Variants in EML5 observed in about 807,000 individuals in gnomAD.
EML5 encodes the protein EMAP like 5, also known as echinoderm microtubule-associated protein-like 5.
EML5 carries 120 observed loss-of-function variants against 250.0 expected under a neutral mutation model. The ratio of observed to expected loss-of-function variants is 0.48; its 90% CI spans 0.41 to 0.56. The LOEUF is 0.56. Ranked by LOEUF, EML5 falls within the 20% of genes least tolerant of loss-of-function variation. The pLI is 0.00. For synonymous variants in EML5, 771 were observed against 806.5 expected (o/e 0.96, Z 0.75); for missense variants, 2,006 against 2,437.6 (o/e 0.82, Z 3.73).
intron 25 of EML5, among the ~76,000 whole-genome samples, chr14:88,658,759 T>C (rs996048601): frequency 6.6e-6 from 1 of 152,170 alleles, no homozygotes; most frequent in East Asian, 1.9e-4. Context: ...TATTTACTTA[T>C]AGTAGTGAAA....
At chr14:88,688,181 AAG>A (rs2092879682) in intron 18 of EML5, 88 bp downstream of exon 18, 1 of 1,303,178 alleles carries the variant, frequency 7.7e-7, no homozygotes, top group African/African-American at 1.5e-5. Context: ...TAGTCCAGGC[AAG>A]TAGAAAGGCA....
At chr14:88,664,062 G>C (rs927325273) in intron 23 of EML5, among the ~76,000 whole-genome samples, 1 of 151,702 alleles carries the variant, frequency 6.6e-6, no homozygotes, top group South Asian at 2.1e-4. Context: ...AGGACTGCTT[G>C]AGTCCAGGAG....
rs1249403290 is a variant in EML5 at position 88,792,656 on chromosome 14, GC to G, written c.-154del. The G allele has an allele frequency of 1.7e-6, 2 of 1,144,934 alleles. No homozygotes were observed. The highest frequency in any genetic ancestry group is 1.1e-6 in the Non-Finnish European group (1 of 933,640). The allele number at this position is 1,144,934 out of a possible 1,614,324, so 70.9% of individuals were successfully genotyped here. ...CCGTCAGGTGCATCTCGTTTCGGGG[GC>G]CGCCGCCGCCTCAGCCCACAGGCGG... On this transcript the variant is annotated 5_prime_UTR_variant, in exon 1 of 44. Transcript: ENST00000554922. This position sits in a 1 kb window ranked among gnomAD's most constrained non-coding sequence, Gnocchi z 6.9.
chr14:88,792,582 T>G lies in EML5; in HGVS notation c.-79A>C. On this transcript the variant is annotated 5_prime_UTR_variant, in exon 1 of 44. Coordinates refer to ENST00000554922, the MANE Select transcript of EML5 (RefSeq NM_183387.3). This position sits in a 1 kb window ranked among gnomAD's most constrained non-coding sequence, Gnocchi z 6.9. ...GGCGGCGGCCCGGCAACGAAAGCCC[T>G]CCCGCTGGCTGCCGGGACTTCCCGC... is the stretch of plus-strand genomic sequence containing the variant. 1 of 1,188,840 alleles carries G rather than the reference T, an allele frequency of 8.4e-7. No homozygotes were observed. The highest frequency in any genetic ancestry group is 1.6e-5 in the African/African-American group (1 of 62,058). 73.6% of individuals were successfully genotyped at this position (1,188,840 alleles called of 1,614,324 possible).
chr14:88,732,568 T>C (rs541773230), intron 7 of EML5, among the ~76,000 whole-genome samples: 44 of 152,320 alleles, frequency 2.9e-4, no homozygotes, highest in South Asian at 8.3e-4. Context: ...TGATTCCATA[T>C]GAACTTTAGT....
Position 88,704,866 on chromosome 14 carries a change from A to T in EML5, c.2045T>A (p.Val682Asp). Residue 682 changes from valine (V) to aspartate (D), a missense_variant, in exon 13 of 44, where the codon GTT becomes GAT. By Grantham distance (152) the Val-to-Asp change is radical (BLOSUM62 -3). Around this residue, in one of 7 missense-constraint regions of EML5, gnomAD observed 1,375 missense variants for 1,590.3 expected, o/e 0.86. Coordinates refer to ENST00000554922, the MANE Select transcript of EML5 (RefSeq NM_183387.3). ...AAAGATAGTTGTTTTATACCCGTGAACAAAGTGTAATCGAATACTATTTCC... is the reference window on the plus strand; with the variant it reads ...AAAGATAGTTGTTTTATACCCGTGATCAAAGTGTAATCGAATACTATTTCC... ...APGNSIRLHF[V>D]HGYRGYDCRS... 6.2e-7 allele frequency: 1 copy of T among 1,610,298 alleles called. No homozygotes were observed.
rs553487328 is a variant in EML5 at position 88,654,752 on chromosome 14, T to TTC, written c.4004+2622_4004+2623dup. Reference sequence around the variant, plus strand: ...GATGTGGTGCTGAGAAGAATGTATATTCTGTTGATTTGGGGTGGACAGTTC... The same window carrying TTC: ...GATGTGGTGCTGAGAAGAATGTATATTCTCTGTTGATTTGGGGTGGACAGTTC... On this transcript the variant is annotated intron_variant, in intron 27 of 43. Transcript: ENST00000554922. 1.3e-3 allele frequency among the ~76,000 whole-genome samples: 199 copies of TTC among 152,302 alleles called. 1 individual carries two copies. Among genetic ancestry groups the TTC allele is most frequent in the African/African-American group, 4.6e-3 (193 of 41,572 alleles).
At chr14:88,618,867 T>C (rs2088269489) in intron 39 of EML5, 55 bp from the exon 40 acceptor site, 1 of 1,479,472 alleles carries the variant, frequency 6.8e-7, no homozygotes, top group African/African-American at 1.4e-5. Context: ...TTATAAATAC[T>C]TAAGATCAGT....
chr14:88,739,853 T>C (rs1236789589), intron 5 of EML5, among the ~76,000 whole-genome samples: 1 of 152,172 alleles, frequency 6.6e-6, no homozygotes, highest in Non-Finnish European at 1.5e-5. Flanking sequence ...AATAGAAATG[T>C]AATGCACTGA....
intron 1 of EML5, among the ~76,000 whole-genome samples, chr14:88,773,053 A>G (rs2094410334): frequency 6.6e-6 from 1 of 152,190 alleles, no homozygotes; most frequent in African/African-American, 2.4e-5. Flanking sequence ...ACTCCTTCGG[A>G]GGTATCTGCA....
At chr14:88,684,096 A>G (rs187196661) in intron 20 of EML5, among the ~76,000 whole-genome samples, 27 of 151,714 alleles carry the variant, frequency 1.8e-4, no homozygotes, top group African/African-American at 6.3e-4. Context: ...GAACTAATAA[A>G]TGAGGACGGC....
intron 20 of EML5, among the ~76,000 whole-genome samples, chr14:88,684,647 T>C (rs2141204333): frequency 6.6e-6 from 1 of 152,148 alleles, no homozygotes; most frequent in East Asian, 1.9e-4. Context: ...CAGACTGGGT[T>C]AAATTAATTA....
At chr14:88,667,758 T>C (rs565951531) in intron 21 of EML5, among the ~76,000 whole-genome samples, 42 of 152,302 alleles carry the variant, frequency 2.8e-4, no homozygotes, top group Middle Eastern at 6.8e-3. Context: ...TTCACCAGAG[T>C]GGCAGCCCCA....
At chr14:88,672,122 G>A (rs955734498) in intron 21 of EML5, among the ~76,000 whole-genome samples, 18 of 151,930 alleles carry the variant, frequency 1.2e-4, no homozygotes, top group South Asian at 2.1e-4. Context: ...CACATAGCAC[G>A]TACCCTAAAA....
intron 21 of EML5, among the ~76,000 whole-genome samples, chr14:88,674,122 A>T (rs1370362749): frequency 1.3e-5 from 2 of 152,148 alleles, no homozygotes; most frequent in African/African-American, 4.8e-5. Flanking sequence ...TACAAAAATT[A>T]GCCAGGCATG....
At position 88,736,351 on chromosome 14, in the gene EML5, A is replaced by C; in HGVS notation, c.1049+13T>G. 1.2e-6 allele frequency: 2 copies of C among 1,613,816 alleles called. No individual in the cohort carries two copies. The highest frequency in any genetic ancestry group is 2.2e-5 in the South Asian group (2 of 91,080). Reference sequence around the variant, plus strand: ...ACATTCCAGCCTATGGAATTAGTTTATAATTTGCTTACCTGACCGAACGAT... The same window carrying C: ...ACATTCCAGCCTATGGAATTAGTTTCTAATTTGCTTACCTGACCGAACGAT... On this transcript the variant is annotated intron_variant, in intron 7 of 43. Transcript: ENST00000554922.
At chr14:88,709,293 A>C (rs1172293391) in intron 10 of EML5, among the ~76,000 whole-genome samples, 1 of 152,158 alleles carries the variant, frequency 6.6e-6, no homozygotes, top group Admixed American at 6.5e-5. Context: ...AAGAAAACAC[A>C]TCATTAAGAA....
At chr14:88,657,603 A>G (rs1028797057) in intron 26 of EML5, 101 bp from the exon 27 acceptor site, 1 of 1,149,364 alleles carries the variant, frequency 8.7e-7, no homozygotes, top group African/African-American at 1.6e-5. Context: ...AAATAAATTA[A>G]GTTGTTATAA....
Position 88,688,485 on chromosome 14 carries a change from A to G in EML5, c.2540-12T>C. 1 of 1,612,344 alleles carries G rather than the reference A, an allele frequency of 6.2e-7. No homozygotes were observed. Among genetic ancestry groups the G allele is most frequent in the Non-Finnish European group, 8.5e-7 (1 of 1,179,368 alleles). ...AATCAATCCTCCCCCTAGTTCACAA[A>G]AAATATTATGAAAGTACCACTTTCA... On this transcript the variant is annotated splice_polypyrimidine_tract_variant and intron_variant, in intron 17 of 43. Coordinates refer to ENST00000554922, the MANE Select transcript of EML5 (RefSeq NM_183387.3).
Sources: allele counts gnomAD v4.1 joint callset (sites outside exome capture counted in the v4.1 genomes callset), GRCh38; gene constraint gnomAD v4.1.1; regional missense constraint gnomAD v4.1.1; non-coding constraint Gnocchi (gnomAD v3.1); transcripts MANE v1.5; gene names NCBI Gene and HGNC (gene_info 2026-07-23, HGNC 2026-07-21).